Variants in UNC13A observed in about 807,000 individuals in gnomAD.
UNC13A encodes protein unc-13 homolog A.
A neutral mutation model predicts 219.7 loss-of-function variants in UNC13A; 61 were observed. The ratio of observed to expected loss-of-function variants is 0.28; its 90% CI spans 0.23 to 0.34. The LOEUF is 0.34. UNC13A is among the 10% of genes least tolerant of loss of function. UNC13A has a pLI of 1.00. For synonymous variants in UNC13A, 920 were observed against 884.6 expected (o/e 1.04, Z -0.71); for missense variants, 1,476 against 2,270.3 (o/e 0.65, Z 7.11).
chr19:17,677,544 T>A (rs947789635), intron 1 of UNC13A, among the ~76,000 whole-genome samples: 23 of 152,046 alleles, frequency 1.5e-4, no homozygotes, highest in African/African-American at 5.6e-4. Context: ...TTGTATTTTT[T>A]AGTAGAGACA....
rs977777381 is a variant in UNC13A, at chr19:17,646,436, A to T, written c.2045-325T>A. Reference sequence around the variant, plus strand: ...ATCCGGCCAATCGTTTTGCATTTTTAGTAGAGATGGGGTTTCACCATGTTG... The same window carrying T: ...ATCCGGCCAATCGTTTTGCATTTTTTGTAGAGATGGGGTTTCACCATGTTG... On this transcript the variant is annotated intron_variant, in intron 17 of 43. Transcript: ENST00000519716. 7.2e-5 allele frequency among the ~76,000 whole-genome samples: 11 copies of T among 151,946 alleles called. 1 individual carries two copies. In the Middle Eastern group the frequency reaches 0.027, roughly 376 times the overall value.
chr19:17,610,670 T>C (rs1887281252), intron 42 of UNC13A, among the ~76,000 whole-genome samples: 1 of 152,144 alleles, frequency 6.6e-6, no homozygotes, highest in African/African-American at 2.4e-5. Flanking sequence ...AACTTTCTCC[T>C]TCCTCTAGCC....
chr19:17,604,265 C>A lies in UNC13A; in HGVS notation c.*1789G>T. ...CAACTTAAAACAGCTCCTGGAGCTC[C>A]CCAACTGTCTTAGAATAAAAGTAAA... On this transcript the variant is annotated 3_prime_UTR_variant, in exon 44 of 44. Transcript: ENST00000519716. 6.6e-6 allele frequency: 1 copy of A among 152,114 alleles called. No homozygotes were observed. Among genetic ancestry groups the A allele is most frequent in the East Asian group, 1.9e-4 (1 of 5,190 alleles). 9.4% of individuals were successfully genotyped at this position (152,114 alleles called of 1,614,324 possible). A position where few individuals can be genotyped will look rare whatever the true frequency, so the allele number is the denominator to read the frequency against.
intron 7 of UNC13A, among the ~76,000 whole-genome samples, chr19:17,665,203 GAA>G (rs11438652): frequency 6.8e-6 from 1 of 146,210 alleles, no homozygotes; most frequent in Admixed American, 6.8e-5. Context: ...CTATCTCCAA[GAA>G]AAAAAAAAAG....
Position 17,641,380 on chromosome 19 carries a change from C to G in UNC13A, c.2636+13G>C. ...CTCCCTCTTGTTTCCTGCACCCCAG[C>G]CTGCAGTCTCACGTCATGGCTTGGT... On this transcript the variant is annotated intron_variant, in intron 21 of 43. Coordinates refer to ENST00000519716, the MANE Select transcript of UNC13A (RefSeq NM_001080421.3). The G allele has an allele frequency of 6.2e-7, 1 of 1,612,628 alleles. No homozygotes were observed. The highest frequency in any genetic ancestry group is 8.5e-7 in the Non-Finnish European group (1 of 1,178,848).
chr19:17,684,382 C>T lies in UNC13A; in HGVS notation c.22+3796G>A, dbSNP rs530142751. 5.3e-5 allele frequency among the ~76,000 whole-genome samples: 8 copies of T among 152,212 alleles called. No homozygotes were observed. In the South Asian group the frequency reaches 6.2e-4, roughly 12 times the overall value. Reference sequence around the variant, plus strand: ...TCTCTTTCATTCTAACCCCATGGGACGTGCAGGAGTGATGGCTAGGAATAG... The same window carrying T: ...TCTCTTTCATTCTAACCCCATGGGATGTGCAGGAGTGATGGCTAGGAATAG... On this transcript the variant is annotated intron_variant, in intron 1 of 43. Transcript: ENST00000519716.
At chr19:17,608,139 T>C (rs1205534459) in intron 43 of UNC13A, among the ~76,000 whole-genome samples, 3 of 148,946 alleles carry the variant, frequency 2.0e-5, no homozygotes, top group African/African-American at 7.4e-5. Context: ...CTCCACCTCC[T>C]GGGTTCAAGC....
chr19:17,642,828 C>T lies in UNC13A; in HGVS notation c.2472+17G>A, dbSNP rs368381522. 16 of 1,589,000 alleles carry T rather than the reference C, an allele frequency of 1.0e-5. No individual in the cohort carries two copies. The highest frequency in any genetic ancestry group is 2.3e-5 in the East Asian group (1 of 44,076). Reference sequence around the variant, plus strand: ...TGAGTGGAAGTGGCATGGGAGGGGCCGAGCAATGACCCTCACCTCATGCAG... The same window carrying T: ...TGAGTGGAAGTGGCATGGGAGGGGCTGAGCAATGACCCTCACCTCATGCAG... On this transcript the variant is annotated intron_variant, in intron 20 of 43. Transcript: ENST00000519716.
chr19:17,651,726 C>T (rs2079352641), intron 12 of UNC13A, among the ~76,000 whole-genome samples: 1 of 152,136 alleles, frequency 6.6e-6, no homozygotes, highest in Non-Finnish European at 1.5e-5. Context: ...ATCACGTGCA[C>T]AGGAATCCGC....
chr19:17,650,311 C>T (rs1021381872), intron 12 of UNC13A, among the ~76,000 whole-genome samples: 6 of 151,706 alleles, frequency 4.0e-5, no homozygotes, highest in Admixed American at 6.6e-5. Flanking sequence ...GTTAGGAGTT[C>T]GAGACCAGCC....
At chr19:17,647,560 G>A in intron 16 of UNC13A, 68 bp from the exon 17 acceptor site, 1 of 1,458,106 alleles carries the variant, frequency 6.9e-7, no homozygotes, top group Non-Finnish European at 9.3e-7. Flanking sequence ...CAAGGCGAGA[G>A]CCCCGCCCCT....
chr19:17,635,472 T>C (rs2076903843), intron 26 of UNC13A, among the ~76,000 whole-genome samples: 1 of 152,106 alleles, frequency 6.6e-6, no homozygotes, highest in African/African-American at 2.4e-5. Flanking sequence ...CAGATGAAAA[T>C]TCTACAGACA....
rs975055445 is a variant in UNC13A at position 17,601,485 on chromosome 19, C to T, written c.*4569G>A. The T allele has an allele frequency of 1.1e-4, 17 of 152,554 alleles. No homozygotes were observed. The highest frequency in any genetic ancestry group is 4.1e-4 in the African/African-American group (17 of 41,390). The allele number at this position is 152,554 out of a possible 1,614,324, so 9.5% of individuals were successfully genotyped here. A position where few individuals can be genotyped will look rare whatever the true frequency, so the allele number is the denominator to read the frequency against. ...ACATTTGTTCCAAGTCACATATTTA[C>T]AGAGAAATGAAGGCGTCTGTGCAGA... On this transcript the variant is annotated 3_prime_UTR_variant, in exon 44 of 44. Transcript: ENST00000519716.
intron 22 of UNC13A, among the ~76,000 whole-genome samples, chr19:17,640,180 A>G (rs1048862627): frequency 6.6e-6 from 1 of 152,076 alleles, no homozygotes; most frequent in Non-Finnish European, 1.5e-5. Context: ...GACTACAGGC[A>G]CAGGCCACCA....
In UNC13A at chr19:17,649,432, C is replaced by T; in HGVS notation, c.1518+77G>A. ...AGCTGGCCCCCAACCCCAGGTTGAC[C>T]ATGGGCAGTTCCACAGGTTGTGCAC... On this transcript the variant is annotated intron_variant, in intron 13 of 43. Transcript: ENST00000519716. The surrounding 1 kb of genome is among the most constrained non-coding windows in gnomAD (Gnocchi z 4.4). 1.2e-6 allele frequency: 2 copies of T among 1,613,640 alleles called. No individual in the cohort carries two copies. The highest frequency in any genetic ancestry group is 1.7e-6 in the Non-Finnish European group (2 of 1,179,708).
intron 41 of UNC13A, 73 bp from the exon 42 acceptor site, chr19:17,611,928 C>G (rs1421527561): frequency 3.0e-6 from 4 of 1,351,146 alleles, no homozygotes; most frequent in Non-Finnish European, 4.2e-6. Context: ...CCTTGACGGC[C>G]TCCCACCCAC....
At chr19:17,623,403 G>A in intron 36 of UNC13A, 139 bp downstream of exon 36, 1 of 631,990 alleles carries the variant, frequency 1.6e-6, no homozygotes, top group Non-Finnish European at 2.6e-6. Flanking sequence ...GACAGACACA[G>A]GCACATCTAG....
rs1054906209 is a variant in UNC13A, at chr19:17,649,256, C to G, written c.1524+83G>C. On this transcript the variant is annotated intron_variant, in intron 14 of 43. Transcript: ENST00000519716. This position sits in a 1 kb window ranked among gnomAD's most constrained non-coding sequence, Gnocchi z 4.4. ...GGACATGGCAAGGTTCCCCCATAAT[C>G]CATGAATTGGGGGCCTGTTAGAAGA... 11 of 1,531,522 alleles carry G rather than the reference C, an allele frequency of 7.2e-6. No homozygotes were observed. The highest frequency in any genetic ancestry group is 1.4e-5 in the African/African-American group (1 of 72,924). 94.9% of individuals were successfully genotyped at this position (1,531,522 alleles called of 1,614,324 possible). A position where few individuals can be genotyped will look rare whatever the true frequency, so the allele number is the denominator to read the frequency against.
rs1158355474 is a variant in UNC13A, at chr19:17,605,011, G to T, written c.*1043C>A. The T allele has an allele frequency of 6.6e-6, 1 of 152,670 alleles. No individual in the cohort carries two copies. The highest frequency in any genetic ancestry group is 2.4e-5 in the African/African-American group (1 of 41,458). The allele number at this position is 152,670 out of a possible 1,614,324, so 9.5% of individuals were successfully genotyped here. A position where few individuals can be genotyped will look rare whatever the true frequency, so the allele number is the denominator to read the frequency against. On this transcript the variant is annotated 3_prime_UTR_variant, in exon 44 of 44. Coordinates refer to ENST00000519716, the MANE Select transcript of UNC13A (RefSeq NM_001080421.3). ...GGGATCCCAAATTCTCTTTTGTGGT[G>T]GGAGGCCCTCATGGCATCCCCCATG...
Sources: allele counts gnomAD v4.1 joint callset (sites outside exome capture counted in the v4.1 genomes callset), GRCh38; gene constraint gnomAD v4.1.1; non-coding constraint Gnocchi (gnomAD v3.1); transcripts MANE v1.5; gene names NCBI Gene and HGNC (gene_info 2026-07-23, HGNC 2026-07-21).